The following TAF2 variants were observed in gnomAD, a reference collection of about 807,000 sequenced individuals.
TAF2 encodes the protein transcription initiation factor TFIID subunit 2.
A neutral mutation model predicts 138.5 loss-of-function variants in TAF2; 61 were observed. That is an observed-to-expected ratio of 0.44 (90% CI 0.36 to 0.54). The LOEUF is 0.54. Among genes scored for constraint, TAF2 ranks in the 20% least tolerant of loss-of-function variants. The pLI is 0.00. For synonymous variants in TAF2, 475 were observed against 469.9 expected (o/e 1.01, Z -0.14); for missense variants, 1,090 against 1,427.9 (o/e 0.76, Z 3.81).
intron 25 of TAF2, among the ~76,000 whole-genome samples, chr8:119,734,114 C>T (rs531471762): frequency 1.3e-5 from 2 of 152,182 alleles, no homozygotes; most frequent in Admixed American, 6.5e-5. Context: ...ACGAATTATG[C>T]CTAAAATGTC....
intron 20 of TAF2, among the ~76,000 whole-genome samples, chr8:119,760,219 C>G (rs1212315428): frequency 6.6e-6 from 1 of 152,026 alleles, no homozygotes; most frequent in African/African-American, 2.4e-5. Context: ...GCCTAATTCC[C>G]CTCCTGAAGT....
chr8:119,751,297 C>A (rs1451562212), intron 22 of TAF2, among the ~76,000 whole-genome samples: 1 of 152,166 alleles, frequency 6.6e-6, no homozygotes, highest in Non-Finnish European at 1.5e-5. Flanking sequence ...CTAGCAACAC[C>A]TGTCCCTCAT....
In TAF2 at chr8:119,795,702, C is replaced by T. The variant is rs538093720; in HGVS notation, c.1092-71G>A. On this transcript the variant is annotated intron_variant, in intron 8 of 25. Transcript: ENST00000378164. ...CCTCAGATAATGTCAAAGAGGATAACGGAATAAGTGTAGTGTGTATTTCCC... is the reference window on the plus strand; with the variant it reads ...CCTCAGATAATGTCAAAGAGGATAATGGAATAAGTGTAGTGTGTATTTCCC... 27 of 1,326,802 alleles carry T rather than the reference C, an allele frequency of 2.0e-5. No individual in the cohort carries two copies. The East Asian group carries it at 2.8e-4, about 14-fold the overall frequency. The allele number at this position is 1,326,802 out of a possible 1,614,324, so 82.2% of individuals were successfully genotyped here.
Position 119,788,364 on chromosome 8 carries a change from A to G in TAF2, c.1767T>C (p.Asp589=). 1.9e-6 allele frequency: 3 copies of G among 1,613,634 alleles called. No individual in the cohort carries two copies. Among genetic ancestry groups the G allele is most frequent in the Non-Finnish European group, 2.5e-6 (3 of 1,179,802 alleles). ...LQIEENSLKH[D]IPCHSKSRRN... is the part of the protein sequence containing the mutation. ...TTCTACTTTTGGAATGGCAGGGTAT[A>G]TCATGTTTAAGGCTGTTTTCTTCAA... The change falls in exon 14 of 26, where the codon GAT becomes GAC. Residue 589 remains aspartate, a synonymous_variant. Transcript: ENST00000378164.
chr8:119,801,676 C>A, intron 6 of TAF2, 118 bp downstream of exon 6: 1 of 930,546 alleles, frequency 1.1e-6, no homozygotes, highest in South Asian at 1.4e-5. Context: ...GATCCGCCCA[C>A]CTTGGCCTCC....
At chr8:119,809,145 C>T (rs1438633577) in intron 3 of TAF2, among the ~76,000 whole-genome samples, 1 of 152,222 alleles carries the variant, frequency 6.6e-6, no homozygotes, top group Non-Finnish European at 1.5e-5. Context: ...CAACCTTCAT[C>T]AAAAACCTTA....
chr8:119,732,919 T>G (rs1444696214), intron 25 of TAF2, among the ~76,000 whole-genome samples: 2 of 152,140 alleles, frequency 1.3e-5, no homozygotes, highest in Non-Finnish European at 2.9e-5. Flanking sequence ...ACAGTACAGT[T>G]GACCCTTGAA....
At chr8:119,829,670 C>T (rs1327133251) in intron 2 of TAF2, among the ~76,000 whole-genome samples, 1 of 151,974 alleles carries the variant, frequency 6.6e-6, no homozygotes, top group Non-Finnish European at 1.5e-5. Context: ...TCATCCACAA[C>T]CCCTTTATAG....
At chr8:119,790,957 T>C (rs1355477895) in intron 11 of TAF2, among the ~76,000 whole-genome samples, 1 of 149,632 alleles carries the variant, frequency 6.7e-6, no homozygotes, top group Non-Finnish European at 1.5e-5. Context: ...CCACTATGCC[T>C]GACTTAGTAA....
At chr8:119,830,632 T>C (rs1826386280) in intron 2 of TAF2, among the ~76,000 whole-genome samples, 1 of 152,268 alleles carries the variant, frequency 6.6e-6, no homozygotes, top group East Asian at 1.9e-4. Context: ...AAATCTAAGA[T>C]TCTATGACTC....
intron 9 of TAF2, among the ~76,000 whole-genome samples, chr8:119,795,241 A>T (rs182559756): frequency 6.6e-6 from 1 of 152,306 alleles, no homozygotes; most frequent in East Asian, 1.9e-4. Context: ...TAACAAATTT[A>T]GGAAGCACAG....
intron 3 of TAF2, among the ~76,000 whole-genome samples, chr8:119,812,939 G>T (rs1825198166): frequency 6.6e-6 from 1 of 152,112 alleles, no homozygotes; most frequent in African/African-American, 2.4e-5. Flanking sequence ...TTGACATAGG[G>T]ACTTATTTTC....
At chr8:119,831,169 C>T (rs923860999) in intron 2 of TAF2, among the ~76,000 whole-genome samples, 3 of 152,084 alleles carry the variant, frequency 2.0e-5, no homozygotes, top group African/African-American at 7.3e-5. Context: ...TTGATTATAT[C>T]AGCAATCCAT....
intron 18 of TAF2, among the ~76,000 whole-genome samples, chr8:119,773,442 T>G (rs986786406): frequency 6.6e-6 from 1 of 151,530 alleles, no homozygotes; most frequent in Non-Finnish European, 1.5e-5. Flanking sequence ...CTCCCCACCA[T>G]CCTCTCTCAG....
intron 2 of TAF2, among the ~76,000 whole-genome samples, chr8:119,829,401 G>A (rs559013321): frequency 1.3e-5 from 2 of 152,200 alleles, no homozygotes; most frequent in South Asian, 4.2e-4. Flanking sequence ...CCTTCCCGTT[G>A]TTGTTTCAGG....
At chr8:119,811,641 C>A (rs1825064234) in intron 3 of TAF2, among the ~76,000 whole-genome samples, 1 of 151,522 alleles carries the variant, frequency 6.6e-6, no homozygotes, top group African/African-American at 2.4e-5. Context: ...CCCGTCTCTA[C>A]TAAAAATACA....
At chr8:119,800,874 AT>A (rs958372326) in intron 6 of TAF2, among the ~76,000 whole-genome samples, 8 of 152,334 alleles carry the variant, frequency 5.3e-5, no homozygotes, top group African/African-American at 1.9e-4. Flanking sequence ...TTTTTAAAAA[AT>A]AAACCTAAAT....
intron 1 of TAF2, among the ~76,000 whole-genome samples, chr8:119,832,162 T>C (rs1826495999): frequency 6.6e-6 from 1 of 150,522 alleles, no homozygotes; most frequent in Admixed American, 6.6e-5. Context: ...GTCTTAAAAA[T>C]TAAAAAATTA....
At chr8:119,793,285 G>C in intron 10 of TAF2, 81 bp downstream of exon 10, 1 of 1,210,638 alleles carries the variant, frequency 8.3e-7, no homozygotes, top group East Asian at 2.4e-5. Context: ...GAGGTACAAT[G>C]AAATACTATT....
Sources: gnomAD v4.1 joint callset for allele counts (sites outside exome capture counted in the v4.1 genomes callset) on GRCh38, gnomAD v4.1.1 for gene constraint, MANE v1.5 for transcripts, NCBI Gene and HGNC (gene_info 2026-07-23, HGNC 2026-07-21) for gene names.